Variants in CACNA1B observed in about 807,000 individuals in gnomAD.
CACNA1B encodes voltage-dependent N-type calcium channel subunit alpha-1B.
In CACNA1B, 70 loss-of-function variants were observed where a neutral mutation model predicts 247.2. The observed-to-expected ratio is 0.28, with a 90% CI of 0.23 to 0.35. CACNA1B has a LOEUF of 0.35. Among genes scored for constraint, CACNA1B ranks in the 10% least tolerant of loss-of-function variants. The pLI is 1.00. For missense variants in CACNA1B, 2,367 were observed against 3,197.4 expected, an observed-to-expected ratio of 0.74 and a Z score of 6.26; for synonymous variants, 1,231 against 1,294.4, an observed-to-expected ratio of 0.95 and a Z score of 1.05.
chr9:137,892,446 C>T (rs902827517), intron 3 of CACNA1B: 6 of 436,610 alleles, frequency 1.4e-5, no homozygotes, highest in Admixed American at 2.4e-5. Context: ...ATCATTGCAT[C>T]GTGAAATGGT....
intron 31 of CACNA1B, among the ~76,000 whole-genome samples, chr9:138,068,408 T>G (rs1960004897): frequency 6.6e-6 from 1 of 152,176 alleles, no homozygotes; most frequent in Admixed American, 6.5e-5. Context: ...AAGTTAATGA[T>G]CTGAGTAATC....
intron 16 of CACNA1B, 37 bp from the exon 17 acceptor site, chr9:138,009,973 G>A: frequency 6.4e-7 from 1 of 1,557,570 alleles, no homozygotes; most frequent in South Asian, 1.1e-5. Flanking sequence ...GGGGCCATGT[G>A]GGGCAGAGGT....
intron 20 of CACNA1B, among the ~76,000 whole-genome samples, chr9:138,025,582 G>A (rs1338024747): frequency 6.6e-6 from 1 of 152,230 alleles, no homozygotes; most frequent in African/African-American, 2.4e-5. Flanking sequence ...GCGAGGGGCT[G>A]CAGAGGAGGA....
rs372475914 is a variant in CACNA1B at position 138,113,200 on chromosome 9, CCTT to C, written c.5536+699_5536+701del. On this transcript the variant is annotated intron_variant, in intron 40 of 46. Transcript: ENST00000371372. ...AGGGAGCGCGGGGACGTGCACACCT[CCTT>C]CTTTTGAGAGGCATGAGGGAGTTCG... is the stretch of plus-strand genomic sequence containing the variant. Among the ~76,000 whole-genome samples the C allele has an allele frequency of 3.0e-3, 418 of 137,106 alleles. 2 individuals are homozygous for C. Among genetic ancestry groups the C allele is most frequent in the Middle Eastern group, 0.029 (5 of 172 alleles). 89.9% of individuals were successfully genotyped at this position (137,106 alleles called of 152,430 possible).
intron 6 of CACNA1B, among the ~76,000 whole-genome samples, chr9:137,933,490 G>C (rs1039164316): frequency 6.6e-6 from 1 of 152,184 alleles, no homozygotes; most frequent in Non-Finnish European, 1.5e-5. Flanking sequence ...ACTCCAGAAA[G>C]GTTGCTCAGA....
At chr9:137,886,024 C>T (rs1381568387) in intron 3 of CACNA1B, among the ~76,000 whole-genome samples, 2 of 151,790 alleles carry the variant, frequency 1.3e-5, no homozygotes, top group East Asian at 3.9e-4. Flanking sequence ...GGTGAGGTCA[C>T]AGTGGCTGGG....
intron 6 of CACNA1B, among the ~76,000 whole-genome samples, chr9:137,945,376 C>G (rs748945600): frequency 6.6e-6 from 1 of 152,198 alleles, no homozygotes; most frequent in African/African-American, 2.4e-5. Context: ...TGGAAAAACT[C>G]TGGGTCTTGT....
At chr9:138,037,259 G>T (rs747434718) in intron 20 of CACNA1B, among the ~76,000 whole-genome samples, 6 of 152,212 alleles carry the variant, frequency 3.9e-5, no homozygotes, top group African/African-American at 1.4e-4. Flanking sequence ...ATTGTGGACC[G>T]TGGCCTCTGC....
chr9:138,078,483 G>A (rs925751475), intron 36 of CACNA1B, among the ~76,000 whole-genome samples: 1 of 152,234 alleles, frequency 6.6e-6, no homozygotes, highest in Non-Finnish European at 1.5e-5. Context: ...CCGTGGAAAA[G>A]GGTTACATTT....
At chr9:137,879,290 A>G in intron 2 of CACNA1B, 131 bp downstream of exon 2, 1 of 631,880 alleles carries the variant, frequency 1.6e-6, no homozygotes, top group South Asian at 1.9e-5. Context: ...TCTGAAGGAA[A>G]AGGTAGGCCT....
At chr9:138,021,780 G>T (rs1958848031) in intron 18 of CACNA1B, among the ~76,000 whole-genome samples, 1 of 152,232 alleles carries the variant, frequency 6.6e-6, no homozygotes, top group South Asian at 2.1e-4. Flanking sequence ...TGAGGTGGTT[G>T]TAAGGACTGG....
intron 6 of CACNA1B, among the ~76,000 whole-genome samples, chr9:137,935,658 A>G (rs1222461357): frequency 6.6e-6 from 1 of 152,218 alleles, no homozygotes; most frequent in African/African-American, 2.4e-5. Flanking sequence ...TTCTAGTTCT[A>G]GATCCTTGAG....
rs193208461 is a variant in CACNA1B at position 138,114,855 on chromosome 9, C to G, written c.5649+365C>G. ...AAAGGAGAACTGTTTTCCCTTCACACAGAGAGCAAAGAAATTCAGATAGGT... is the reference window on the plus strand; with the variant it reads ...AAAGGAGAACTGTTTTCCCTTCACAGAGAGAGCAAAGAAATTCAGATAGGT... On this transcript the variant is annotated intron_variant, in intron 41 of 46. Transcript: ENST00000371372. 2.8e-4 allele frequency among the ~76,000 whole-genome samples: 43 copies of G among 152,228 alleles called. 1 individual carries two copies. Among genetic ancestry groups the G allele is most frequent in the African/African-American group, 9.1e-4 (38 of 41,538 alleles).
intron 3 of CACNA1B, among the ~76,000 whole-genome samples, chr9:137,895,401 G>C (rs1414167232): frequency 6.6e-6 from 1 of 152,132 alleles, no homozygotes; most frequent in African/African-American, 2.4e-5. Flanking sequence ...AAAAAAATCA[G>C]TTTCAAGCCA....
intron 6 of CACNA1B, among the ~76,000 whole-genome samples, chr9:137,940,274 C>T (rs955348884): frequency 6.6e-6 from 1 of 152,132 alleles, no homozygotes; most frequent in Non-Finnish European, 1.5e-5. Flanking sequence ...AAAGATTTTT[C>T]AAGGCTACTG....
In CACNA1B at chr9:138,099,317, G is replaced by A. The variant is rs1589127429; in HGVS notation, c.5222+2706G>A. On this transcript the variant is annotated intron_variant, in intron 37 of 46. Transcript: ENST00000371372. ...CGTGTGTGCATGTTGACGTTTGTGT[G>A]TGCACATATGATTGTATATATGTGT... is the stretch of plus-strand genomic sequence containing the variant. 1.3e-5 allele frequency among the ~76,000 whole-genome samples: 2 copies of A among 150,816 alleles called. 1 individual carries two copies. Among genetic ancestry groups the A allele is most frequent in the East Asian group, 3.9e-4 (2 of 5,194 alleles).
chr9:137,941,269 T>C (rs531408991), intron 6 of CACNA1B, among the ~76,000 whole-genome samples: 1 of 152,154 alleles, frequency 6.6e-6, no homozygotes, highest in African/African-American at 2.4e-5. Flanking sequence ...TTTTATATAC[T>C]AACAGTGACC....
intron 38 of CACNA1B, among the ~76,000 whole-genome samples, chr9:138,105,149 T>C (rs1270568284): frequency 6.6e-6 from 1 of 152,212 alleles, no homozygotes; most frequent in Non-Finnish European, 1.5e-5. Context: ...CCAGGCCTCA[T>C]GCTGGGTGGT....
intron 10 of CACNA1B, among the ~76,000 whole-genome samples, chr9:137,965,812 T>C (rs1241038269): frequency 6.6e-6 from 1 of 152,162 alleles, no homozygotes; most frequent in Non-Finnish European, 1.5e-5. Context: ...TCTTGAACTC[T>C]GACCTCATGA....
Sources: gnomAD v4.1 joint callset for allele counts (sites outside exome capture counted in the v4.1 genomes callset) on GRCh38, gnomAD v4.1.1 for gene constraint, MANE v1.5 for transcripts, NCBI Gene and HGNC (gene_info 2026-07-23, HGNC 2026-07-21) for gene names.